Variants in PDE3B observed in about 807,000 individuals in gnomAD.
PDE3B encodes the protein cGMP-inhibited 3',5'-cyclic phosphodiesterase 3B.
Under a neutral mutation model 116.8 loss-of-function variants are expected in PDE3B, and 66 were observed. That is an observed-to-expected ratio of 0.56 (90% CI 0.46 to 0.69). PDE3B has a LOEUF of 0.69. PDE3B is among the 30% of genes least tolerant of loss of function. The pLI is 0.00. For synonymous variants in PDE3B, 595 were observed against 533.6 expected (o/e 1.12, Z -1.59); for missense variants, 1,384 against 1,368.1 (o/e 1.01, Z -0.18).
intron 1 of PDE3B, among the ~76,000 whole-genome samples, chr11:14,653,631 TA>T (rs917156000): frequency 3.9e-4 from 59 of 151,662 alleles, no homozygotes; most frequent in African/African-American, 1.2e-3. Context: ...ATAAGAAATA[TA>T]AAAACACGTT....
At chr11:14,842,237 G>A (rs545402987) in intron 11 of PDE3B, among the ~76,000 whole-genome samples, 6 of 152,172 alleles carry the variant, frequency 3.9e-5, no homozygotes, top group East Asian at 1.9e-4. Flanking sequence ...TTTCTGAAAC[G>A]AAGTGAATAA....
At chr11:14,774,232 A>C (rs1043042691) in intron 2 of PDE3B, 4 of 152,216 alleles carry the variant, frequency 2.6e-5, no homozygotes, top group Non-Finnish European at 5.9e-5. Context: ...TGTTCTAGAC[A>C]GAAGAGTTGG....
the PDE3B span, chr11:14,891,973 G>A: frequency 6.2e-7 from 1 of 1,612,546 alleles, no homozygotes; most frequent in Non-Finnish European, 8.5e-7. Flanking sequence ...GGCCCGTCGG[G>A]GCTGTACCTC....
At chr11:14,683,693 C>CT (rs1854782136) in intron 1 of PDE3B, among the ~76,000 whole-genome samples, 1 of 151,530 alleles carries the variant, frequency 6.6e-6, no homozygotes, top group Admixed American at 6.6e-5. Flanking sequence ...ATCATTATTT[C>CT]TTTTTTTTCT....
chr11:14,886,073 C>T, the PDE3B span: 3 of 715,958 alleles, frequency 4.2e-6, no homozygotes, highest in Admixed American at 6.6e-5. Context: ...TCAGAGTGCC[C>T]TCCTTCTATA....
At chr11:14,886,338 C>A in the PDE3B span, 1 of 174,068 alleles carries the variant, frequency 5.7e-6, no homozygotes, top group Non-Finnish European at 1.2e-5. Context: ...CTAGGAATCT[C>A]CTTCTATTTC....
At chr11:14,714,254 C>G (rs898326440) in intron 1 of PDE3B, among the ~76,000 whole-genome samples, 1 of 151,890 alleles carries the variant, frequency 6.6e-6, no homozygotes, top group Non-Finnish European at 1.5e-5. Context: ...GTGTGTCTTG[C>G]TATTTGTATT....
At chr11:14,851,036 G>T (rs1369553208) in intron 12 of PDE3B, among the ~76,000 whole-genome samples, 5 of 150,330 alleles carry the variant, frequency 3.3e-5, no homozygotes, top group African/African-American at 1.2e-4. Context: ...TGTTAGCCGG[G>T]ATGGTCTCGA....
intron 12 of PDE3B, among the ~76,000 whole-genome samples, chr11:14,856,923 C>T (rs951438944): frequency 6.0e-5 from 9 of 150,188 alleles, no homozygotes; most frequent in African/African-American, 2.0e-4. Flanking sequence ...GTTAATGTTT[C>T]CTCCTGTTTC....
intron 1 of PDE3B, among the ~76,000 whole-genome samples, chr11:14,684,390 A>C (rs1405210609): frequency 6.6e-6 from 1 of 152,190 alleles, no homozygotes; most frequent in African/African-American, 2.4e-5. Flanking sequence ...AGGGGGTACA[A>C]GAACAGGGAG....
chr11:14,829,525 C>T (rs553899940), intron 7 of PDE3B, among the ~76,000 whole-genome samples: 20 of 152,050 alleles, frequency 1.3e-4, no homozygotes, highest in Non-Finnish European at 2.4e-4. Flanking sequence ...GAATACTATG[C>T]AGCTATAAAA....
chr11:14,862,101 C>T (rs1342242949), intron 14 of PDE3B, among the ~76,000 whole-genome samples: 3 of 152,224 alleles, frequency 2.0e-5, no homozygotes, highest in African/African-American at 7.2e-5. Flanking sequence ...CACTCACCCA[C>T]CTCCTGAGAT....
intron 1 of PDE3B, among the ~76,000 whole-genome samples, chr11:14,749,224 T>A (rs965050017): frequency 2.6e-5 from 4 of 152,114 alleles, no homozygotes; most frequent in East Asian, 1.9e-4. Flanking sequence ...ACTTTTTTTT[T>A]AAACATAGAT....
rs1171779036 is a variant in PDE3B, at chr11:14,870,172, CT to C, written c.*513del. On this transcript the variant is annotated 3_prime_UTR_variant, in exon 16 of 16. Transcript: ENST00000282096. The surrounding 1 kb of genome is among the most constrained non-coding windows in gnomAD (Gnocchi z 4.1). ...GTGTTGCCTTTCTGAGGGATTTCTG[CT>C]CAATGCAATACACTGTTCAGTGCTA... is the stretch of plus-strand genomic sequence containing the variant. 2 of 154,488 alleles carry C rather than the reference CT, an allele frequency of 1.3e-5. No individual in the cohort carries two copies. Among genetic ancestry groups the C allele is most frequent in the Admixed American group, 6.4e-5 (1 of 15,544 alleles). The allele number at this position is 154,488 out of a possible 1,614,324, so 9.6% of individuals were successfully genotyped here. A position where few individuals can be genotyped will look rare whatever the true frequency, so the allele number is the denominator to read the frequency against.
intron 5 of PDE3B, among the ~76,000 whole-genome samples, chr11:14,812,989 C>T (rs368159403): frequency 1.3e-5 from 2 of 152,136 alleles, no homozygotes; most frequent in Admixed American, 1.3e-4. Context: ...ATCCCTTCCG[C>T]CATGTGAGGA....
rs185004831 is a variant in PDE3B, at chr11:14,844,029, A to G, written c.2520+3A>G. 20 of 1,610,140 alleles carry G rather than the reference A, an allele frequency of 1.2e-5. No homozygotes were observed. The African/African-American group carries it at 1.6e-4, about 13-fold the overall frequency. On this transcript the variant is annotated splice_donor_region_variant and intron_variant, in intron 12 of 15. Transcript: ENST00000282096. ...TAGTGGCTACAAATGCCCCTCAGGT[A>G]GGAAATATTTTTAAGAACCTTTAAA...
At chr11:14,792,953 A>G (rs144614299) in intron 4 of PDE3B, among the ~76,000 whole-genome samples, 206 of 152,264 alleles carry the variant, frequency 1.4e-3, no homozygotes, top group Non-Finnish European at 2.4e-3. Context: ...ATTTGACTTT[A>G]TGTCAGCCAT....
At chr11:14,657,761 G>T (rs531675445) in intron 1 of PDE3B, among the ~76,000 whole-genome samples, 1 of 152,280 alleles carries the variant, frequency 6.6e-6, no homozygotes, top group African/African-American at 2.4e-5. Context: ...AAGATAAAAA[G>T]TGAAGATTAT....
At chr11:14,669,443 A>C (rs142956582) in intron 1 of PDE3B, among the ~76,000 whole-genome samples, 54 of 152,292 alleles carry the variant, frequency 3.5e-4, no homozygotes, top group African/African-American at 1.3e-3. Flanking sequence ...CTGGAGGGGC[A>C]AATGAAATAT....
Sources: allele counts gnomAD v4.1 joint callset (sites outside exome capture counted in the v4.1 genomes callset), GRCh38; gene constraint gnomAD v4.1.1; non-coding constraint Gnocchi (gnomAD v3.1); transcripts MANE v1.5; gene names NCBI Gene and HGNC (gene_info 2026-07-23, HGNC 2026-07-21).